PIK3C2G: variants seen among roughly 807,000 people sequenced by gnomAD.
The protein encoded by PIK3C2G is phosphatidylinositol-4-phosphate 3-kinase catalytic subunit type 2 gamma.
PIK3C2G carries 168 observed loss-of-function variants against 181.1 expected under a neutral mutation model. That is an observed-to-expected ratio of 0.93 (90% CI 0.82 to 1.05). The LOEUF (loss-of-function observed/expected upper bound fraction) is 1.05, where lower values mean the gene tolerates loss of function less well. PIK3C2G is among the 50% of genes least tolerant of loss of function. The pLI, the probability that PIK3C2G is intolerant of heterozygous loss-of-function variation, is 0.00. For synonymous variants in PIK3C2G, 573 were observed against 592.2 expected (o/e 0.97, Z 0.47); for missense variants, 1,869 against 1,732.8 (o/e 1.08, Z -1.40).
intron 18 of PIK3C2G, among the ~76,000 whole-genome samples, chr12:18,463,016 A>G (rs953579805): frequency 1.3e-5 from 2 of 152,162 alleles, no homozygotes; most frequent in Non-Finnish European, 2.9e-5. Flanking sequence ...TTTATTGGAT[A>G]CACTTAAAAA....
intron 18 of PIK3C2G, among the ~76,000 whole-genome samples, chr12:18,432,949 A>G (rs531061483): frequency 3.3e-5 from 5 of 152,110 alleles, no homozygotes; most frequent in East Asian, 1.9e-4. Flanking sequence ...TTTTCTATCA[A>G]TTAGGAACTC....
At chr12:18,710,801 C>T in the PIK3C2G span, among the ~76,000 whole-genome samples, 2 of 152,016 alleles carry the variant, frequency 1.3e-5, no homozygotes, top group Non-Finnish European at 1.5e-5. Context: ...CATCACTGGC[C>T]GTCAGAGAAA....
downstream of PIK3C2G, among the ~76,000 whole-genome samples, chr12:18,653,395 C>T (rs1242751603): frequency 6.6e-6 from 1 of 152,142 alleles, no homozygotes; most frequent in East Asian, 1.9e-4. Context: ...TTTCCTAGCA[C>T]AAAATCTTGA....
At chr12:18,333,471 G>A (rs2137555441) in intron 8 of PIK3C2G, among the ~76,000 whole-genome samples, 1 of 152,052 alleles carries the variant, frequency 6.6e-6, no homozygotes, top group African/African-American at 2.4e-5. Context: ...GGTGTGTGAT[G>A]TTCCACTCCC....
chr12:18,367,533 G>A (rs1363815623), intron 12 of PIK3C2G, among the ~76,000 whole-genome samples: 2 of 151,946 alleles, frequency 1.3e-5, no homozygotes, highest in African/African-American at 4.8e-5. Flanking sequence ...AAGAGACTGG[G>A]TAATTTTTTA....
At chr12:18,441,511 A>G (rs1229801801) in intron 18 of PIK3C2G, among the ~76,000 whole-genome samples, 3 of 152,140 alleles carry the variant, frequency 2.0e-5, no homozygotes, top group Admixed American at 2.0e-4. Context: ...AAAATCCTTG[A>G]GTAATGATAG....
intron 18 of PIK3C2G, among the ~76,000 whole-genome samples, chr12:18,486,504 C>A (rs896119758): frequency 6.6e-6 from 1 of 151,988 alleles, no homozygotes; most frequent in Non-Finnish European, 1.5e-5. Context: ...TTCTGACAGT[C>A]CCTATAACCC....
intron 24 of PIK3C2G, among the ~76,000 whole-genome samples, chr12:18,508,570 C>T (rs920425123): frequency 3.3e-5 from 5 of 151,984 alleles, no homozygotes; most frequent in Non-Finnish European, 7.4e-5. Flanking sequence ...TGTTATGGAC[C>T]CCCTTTGTAG....
At chr12:18,339,189 TACG>T (rs1270013096) in intron 9 of PIK3C2G, among the ~76,000 whole-genome samples, 5 of 152,124 alleles carry the variant, frequency 3.3e-5, no homozygotes, top group Non-Finnish European at 7.4e-5. Flanking sequence ...AGAAAAATAT[TACG>T]ACATCTGGTT....
At chr12:18,270,473 T>C (rs1948701834) in intron 1 of PIK3C2G, among the ~76,000 whole-genome samples, 1 of 152,092 alleles carries the variant, frequency 6.6e-6, no homozygotes. Context: ...GGGAATAACA[T>C]TAAATGTGGC....
chr12:18,611,268 A>T (rs531183293), intron 31 of PIK3C2G, among the ~76,000 whole-genome samples: 2 of 152,188 alleles, frequency 1.3e-5, no homozygotes, highest in African/African-American at 4.8e-5. Context: ...AAAAAATGTG[A>T]AAAAACACTT....
intron 18 of PIK3C2G, among the ~76,000 whole-genome samples, chr12:18,484,390 T>A (rs1411322219): frequency 6.6e-6 from 1 of 152,214 alleles, no homozygotes; most frequent in Admixed American, 6.5e-5. Context: ...CCTTATAGGC[T>A]CCTCTCATAT....
intron 8 of PIK3C2G, among the ~76,000 whole-genome samples, chr12:18,335,879 A>G (rs1171437517): frequency 1.3e-5 from 2 of 152,180 alleles, no homozygotes; most frequent in Non-Finnish European, 2.9e-5. Flanking sequence ...AGACTGGAGT[A>G]ATAGATTGAA....
chr12:18,346,714 T>C lies in PIK3C2G; in HGVS notation c.1503T>C (p.Phe501=), dbSNP rs754935070. The part of the protein sequence containing the change: ...YQLINVYCNS[F]YADFQPVNVP... ...TAATCAATGTCTACTGTAACAGCTTTTATGCAGATTTTCAGCCTGTAAATG... is the reference window on the plus strand; with the variant it reads ...TAATCAATGTCTACTGTAACAGCTTCTATGCAGATTTTCAGCCTGTAAATG... The change falls in exon 11 of 33, where the codon TTT becomes TTC. Residue 501 remains phenylalanine (F), a synonymous_variant. Coordinates refer to ENST00000538779, the MANE Select transcript of PIK3C2G (RefSeq NM_001288772.2). 1 of 1,613,448 alleles carries C rather than the reference T, an allele frequency of 6.2e-7. No homozygotes were observed. The highest frequency in any genetic ancestry group is 1.7e-5 in the Admixed American group (1 of 59,976).
At chr12:18,545,264 G>A (rs1944362830) in intron 25 of PIK3C2G, among the ~76,000 whole-genome samples, 1 of 151,762 alleles carries the variant, frequency 6.6e-6, no homozygotes, top group African/African-American at 2.4e-5. Context: ...TCCTATACAT[G>A]CTGCTTCCTG....
chr12:18,456,140 T>C (rs1381894790), intron 18 of PIK3C2G, among the ~76,000 whole-genome samples: 3 of 152,158 alleles, frequency 2.0e-5, no homozygotes, highest in Admixed American at 2.0e-4. Flanking sequence ...CTGACCTATT[T>C]AAAGTTTAGG....
intron 18 of PIK3C2G, among the ~76,000 whole-genome samples, chr12:18,486,499 A>G (rs995266924): frequency 1.3e-5 from 2 of 152,070 alleles, no homozygotes; most frequent in African/African-American, 4.8e-5. Flanking sequence ...AACAATTCTG[A>G]CAGTCCCTAT....
Position 18,423,952 on chromosome 12 carries a change from A to C in PIK3C2G, c.2417A>C (p.Lys806Thr), listed in dbSNP as rs1338280478. Residue 806 changes from lysine (K) to threonine (T), a missense_variant, in exon 18 of 33, where the codon AAG becomes ACG. Lys to Thr is a moderately conservative substitution (Grantham distance 78). Transcript: ENST00000538779. ...EYLPQLVQAV[K>T]FEWNLESPLV... ...TTGTGTCTCTTACTTCAGGCTGTCA[A>C]GTTTGAATGGAACCTTGAGAGTCCT... The C allele has an allele frequency of 3.1e-6, 5 of 1,606,332 alleles. No individual in the cohort carries two copies. The highest frequency in any genetic ancestry group is 3.4e-6 in the Non-Finnish European group (4 of 1,174,620).
rs551543544 is a variant in PIK3C2G, at chr12:18,609,565, T to G, written c.4118T>G (p.Val1373Gly). ...AAGTTTCCAGACAAGAAGCCTAAGGTGCAGTTAGTCATATCCTACGAGGAT... is the reference window on the plus strand; with the variant it reads ...AAGTTTCCAGACAAGAAGCCTAAGGGGCAGTTAGTCATATCCTACGAGGAT... The part of the protein sequence containing the change: ...GEKFPDKKPK[V>G]QLVISYEDVK... Residue 1373 changes from valine to glycine, a missense_variant, in exon 31 of 33, where the codon GTG (valine) becomes GGG (glycine). Val to Gly is a moderately radical substitution (Grantham distance 109). Coordinates refer to ENST00000538779, the MANE Select transcript of PIK3C2G (RefSeq NM_001288772.2). 2 of 1,587,378 alleles carry G rather than the reference T, an allele frequency of 1.3e-6. No homozygotes were observed. Among genetic ancestry groups the G allele is most frequent in the African/African-American group, 1.3e-5 (1 of 74,470 alleles).
Sources: allele counts gnomAD v4.1 joint callset (sites outside exome capture counted in the v4.1 genomes callset), GRCh38; gene constraint gnomAD v4.1.1; transcripts MANE v1.5; gene names NCBI Gene and HGNC (gene_info 2026-07-23, HGNC 2026-07-21).